GAB1: variants seen among roughly 807,000 people sequenced by gnomAD.
GAB1 encodes the protein GRB2 associated binding protein 1.
Under a neutral mutation model 66.5 loss-of-function variants are expected in GAB1, and 19 were observed. The ratio of observed to expected loss-of-function variants is 0.29; its 90% CI spans 0.20 to 0.42. The LOEUF is 0.42. GAB1 is among the 10% of genes least tolerant of loss of function. The pLI is 1.00. For synonymous variants in GAB1, 294 were observed against 301.4 expected (o/e 0.98, Z 0.25); for missense variants, 732 against 858.5 (o/e 0.85, Z 1.84).
intron 2 of GAB1, among the ~76,000 whole-genome samples, chr4:143,423,402 G>A (rs1578691396): frequency 6.6e-6 from 1 of 152,122 alleles, no homozygotes; most frequent in Admixed American, 6.5e-5. Context: ...CCTCTTAGAA[G>A]TGTGTAAGTC....
chr4:143,387,969 T>A (rs1730996368), intron 1 of GAB1, among the ~76,000 whole-genome samples: 1 of 152,156 alleles, frequency 6.6e-6, no homozygotes, highest in South Asian at 2.1e-4. Context: ...CCAAAGGGTT[T>A]GGGGATTTGG....
intron 6 of GAB1, among the ~76,000 whole-genome samples, chr4:143,445,435 G>A (rs1030514891): frequency 6.6e-6 from 1 of 151,808 alleles, no homozygotes; most frequent in African/African-American, 2.4e-5. Flanking sequence ...TTTTTAATGG[G>A]GTTACTTGTT....
At chr4:143,454,561 T>C (rs899979666) in intron 6 of GAB1, among the ~76,000 whole-genome samples, 2 of 152,148 alleles carry the variant, frequency 1.3e-5, no homozygotes, top group Non-Finnish European at 2.9e-5. Flanking sequence ...TGAATGATGG[T>C]GGTAGGTAAA....
At chr4:143,462,372 C>T (rs939662978) in intron 8 of GAB1, among the ~76,000 whole-genome samples, 24 of 151,946 alleles carry the variant, frequency 1.6e-4, no homozygotes, top group Admixed American at 2.6e-4. Context: ...GTTTTCTTAT[C>T]GTAAAGTAAT....
chr4:143,363,923 C>G (rs1490211367), intron 1 of GAB1, among the ~76,000 whole-genome samples: 1 of 151,998 alleles, frequency 6.6e-6, no homozygotes, highest in Non-Finnish European at 1.5e-5. Context: ...TTCGTGCTGG[C>G]CGTGGTGGCT....
chr4:143,407,493 C>T (rs1298600351), intron 1 of GAB1, among the ~76,000 whole-genome samples: 5 of 151,992 alleles, frequency 3.3e-5, no homozygotes, highest in Non-Finnish European at 7.4e-5. Flanking sequence ...AGGCAATGTA[C>T]GTAAACTCTA....
chr4:143,371,096 T>C (rs1198356956), intron 1 of GAB1, among the ~76,000 whole-genome samples: 1 of 152,194 alleles, frequency 6.6e-6, no homozygotes, highest in Non-Finnish European at 1.5e-5. Flanking sequence ...ATGGTATTTC[T>C]AGTTCTAGAT....
intron 1 of GAB1, among the ~76,000 whole-genome samples, chr4:143,372,484 A>G (rs1476316090): frequency 6.6e-6 from 1 of 152,214 alleles, no homozygotes; most frequent in East Asian, 1.9e-4. Flanking sequence ...GCAAATACAT[A>G]ATATGGTCTC....
chr4:143,440,204 A>G lies in GAB1; in HGVS notation c.1407A>G (p.Glu469=). 6.2e-7 allele frequency: 1 copy of G among 1,614,206 alleles called. No individual in the cohort carries two copies. Among genetic ancestry groups the G allele is most frequent in the Admixed American group, 1.7e-5 (1 of 60,030 alleles). Residue 469 remains glutamate (E), a synonymous_variant, in exon 6 of 10, where the codon GAA becomes GAG. Transcript: ENST00000262994. ...GCAGTTTTACAGAACCAATTCAGGA[A>G]GCAAATTATGTGCCAATGACTCCAG... ...HSSSFTEPIQ[E]ANYVPMTPGT... is the part of the protein sequence containing the mutation.
chr4:143,371,245 C>T (rs974628303), intron 1 of GAB1, among the ~76,000 whole-genome samples: 42 of 152,210 alleles, frequency 2.8e-4, no homozygotes, highest in African/African-American at 9.9e-4. Flanking sequence ...GCCATTCTAA[C>T]TGGTGTGAGA....
At chr4:143,450,615 G>A (rs931752229) in intron 6 of GAB1, among the ~76,000 whole-genome samples, 4 of 152,136 alleles carry the variant, frequency 2.6e-5, no homozygotes, top group Admixed American at 6.5e-5. Context: ...AAATGGCTGG[G>A]CACAGTGGCT....
At chr4:143,387,333 G>GA (rs1730965655) in intron 1 of GAB1, among the ~76,000 whole-genome samples, 3 of 152,308 alleles carry the variant, frequency 2.0e-5, no homozygotes, top group Non-Finnish European at 4.4e-5. Flanking sequence ...ATTTCTCCAT[G>GA]TTGGTCAGGC....
At chr4:143,367,930 GC>G (rs1000468580) in intron 1 of GAB1, among the ~76,000 whole-genome samples, 1 of 151,886 alleles carries the variant, frequency 6.6e-6, no homozygotes, top group Non-Finnish European at 1.5e-5. Flanking sequence ...TCACCGTGTT[GC>G]CCAGGCTGGT....
At chr4:143,427,914 C>T (rs1733450311) in intron 2 of GAB1, among the ~76,000 whole-genome samples, 1 of 152,172 alleles carries the variant, frequency 6.6e-6, no homozygotes, top group South Asian at 2.1e-4. Flanking sequence ...AGTGAAGCAT[C>T]TCTTTCTTTC....
At position 143,336,941 on chromosome 4, in the gene GAB1, G is replaced by A. The variant is rs991400831; in HGVS notation, c.-248G>A. On this transcript the variant is annotated 5_prime_UTR_variant, in exon 1 of 10. Transcript: ENST00000262994. ...AGACGGCACGTCTGGAGGCGAGGCG[G>A]GCGCACTGAAAGGAGGCCGGCGCGC... 17 of 478,408 alleles carry A rather than the reference G, an allele frequency of 3.6e-5. No homozygotes were observed. In the Middle Eastern group the frequency reaches 2.7e-3, roughly 77 times the overall value. The allele number at this position is 478,408 out of a possible 1,614,324, so 29.6% of individuals were successfully genotyped here.
chr4:143,364,725 C>T (rs2149659942), intron 1 of GAB1, among the ~76,000 whole-genome samples: 2 of 152,148 alleles, frequency 1.3e-5, no homozygotes, highest in Admixed American at 1.3e-4. Context: ...TTTCTCTTCA[C>T]TCCTACAGCC....
chr4:143,438,169 A>G lies in GAB1; in HGVS notation c.764A>G (p.Asp255Gly). Residue 255 changes from aspartate (D) to glycine (G), a missense_variant, in exon 4 of 10, where the codon GAC becomes GGC. This residue lies in a region of GAB1 where 427 missense variants were observed against 420.6 expected (regional missense o/e 1.02). Transcript: ENST00000262994. ...TCACGTGCCCCATCTGCTTCAGTTG[A>G]CTCCAGCCTTTATAACCTGCCCAGG... ...PPSRAPSASV[D>G]SSLYNLPRSY... is the part of the protein sequence containing the mutation. 6.2e-7 allele frequency: 1 copy of G among 1,613,720 alleles called. No homozygotes were observed. Among genetic ancestry groups the G allele is most frequent in the Non-Finnish European group, 8.5e-7 (1 of 1,179,908 alleles).
At chr4:143,358,748 A>G (rs1267113897) in intron 1 of GAB1, among the ~76,000 whole-genome samples, 1 of 152,242 alleles carries the variant, frequency 6.6e-6, no homozygotes. Context: ...CAGTAGGTTC[A>G]TCAGATTAAA....
Position 143,337,089 on chromosome 4 carries a change from G to C in GAB1, c.-100G>C. ...CCGTCCGGGGTGCGCGACCAGGAGA[G>C]CTAGGTTCTCGCCACTGCGCGCTCG... On this transcript the variant is annotated 5_prime_UTR_variant, in exon 1 of 10. Transcript: ENST00000262994. 1 of 1,031,004 alleles carries C rather than the reference G, an allele frequency of 9.7e-7. No homozygotes were observed. The highest frequency in any genetic ancestry group is 1.4e-6 in the Non-Finnish European group (1 of 699,196). The allele number at this position is 1,031,004 out of a possible 1,614,324, so 63.9% of individuals were successfully genotyped here.
Sources: allele counts gnomAD v4.1 joint callset (sites outside exome capture counted in the v4.1 genomes callset), GRCh38; gene constraint gnomAD v4.1.1; regional missense constraint gnomAD v4.1.1; transcripts MANE v1.5; gene names NCBI Gene and HGNC (gene_info 2026-07-23, HGNC 2026-07-21).